The following BLM variants were observed in gnomAD, a reference collection of about 807,000 sequenced individuals.
BLM encodes BLM RecQ like helicase, also known as recQ-like DNA helicase BLM.
BLM carries 95 observed loss-of-function variants against 135.3 expected under a neutral mutation model. The observed-to-expected ratio is 0.70, with a 90% CI of 0.59 to 0.83. BLM has a LOEUF of 0.83. BLM is among the 40% of genes least tolerant of loss of function. The pLI, the probability that BLM is intolerant of heterozygous loss-of-function variation, is 0.00. For missense variants in BLM, 1,518 were observed against 1,663.9 expected (o/e 0.91, Z 1.53); for synonymous variants, 520 against 589.2 (o/e 0.88, Z 1.70).
At position 90,774,691 on chromosome 15, in the gene BLM, G is replaced by A. The variant is rs149297901; in HGVS notation, c.2555+5105G>A. ...TCTACTAAAAATACAAAAATTAGCC[G>A]GGCGTGGTGGCATGCACCTATAGTC... is the stretch of plus-strand genomic sequence containing the variant. On this transcript the variant is annotated intron_variant, in intron 12 of 21. Coordinates refer to ENST00000355112, the MANE Select transcript of BLM (RefSeq NM_000057.4). Among the ~76,000 whole-genome samples, 1,336 of 151,676 alleles carry A rather than the reference G, an allele frequency of 8.8e-3. 18 individuals are homozygous for A. The highest frequency in any genetic ancestry group is 0.028 in the African/African-American group (1,140 of 41,396).
At chr15:90,760,314 A>C in intron 6 of BLM, 35 bp downstream of exon 6, 1 of 1,611,852 alleles carries the variant, frequency 6.2e-7, no homozygotes, top group Admixed American at 1.7e-5. Context: ...AATATATCTG[A>C]TTATATTTCT....
intron 12 of BLM, among the ~76,000 whole-genome samples, chr15:90,780,129 G>A (rs1390182923): frequency 2.7e-5 from 4 of 149,448 alleles, no homozygotes; most frequent in Non-Finnish European, 5.9e-5. Flanking sequence ...TCTTCGCCCA[G>A]GCTGGAGTGC....
At position 90,790,746 on chromosome 15, in the gene BLM, AC is replaced by A. The variant is rs367543014; in HGVS notation, c.2923del (p.Gln975LysfsTer24). The A allele has an allele frequency of 5.9e-5, 96 of 1,614,030 alleles. No homozygotes were observed. The highest frequency in any genetic ancestry group is 7.5e-5 in the Non-Finnish European group (89 of 1,179,998). On this transcript the variant is annotated frameshift_variant, in exon 15 of 22. Transcript: ENST00000355112. LOFTEE classifies it high-confidence loss of function. ...ASLPKSVEGY[Y>X]QESGRAGRDG... The stretch of plus-strand genomic sequence containing the variant: ...CTCCCTAAATCTGTGGAGGGTTACT[AC>A]CAAGAATCTGGCAGAGCTGGAAGAG...
At chr15:90,753,232 C>T (rs1272212397) in intron 4 of BLM, among the ~76,000 whole-genome samples, 1 of 151,830 alleles carries the variant, frequency 6.6e-6, no homozygotes, top group Non-Finnish European at 1.5e-5. Flanking sequence ...GGCAACATAG[C>T]GAGACCCTCA....
chr15:90,719,238 G>C (rs1380733142), intron 1 of BLM, among the ~76,000 whole-genome samples: 1 of 152,134 alleles, frequency 6.6e-6, no homozygotes, highest in Non-Finnish European at 1.5e-5. Context: ...TGATCCGCCT[G>C]CCTCCGCCTC....
intron 12 of BLM, among the ~76,000 whole-genome samples, chr15:90,779,871 G>A (rs4932363): frequency 0.038 from 5,727 of 152,060 alleles, 144 homozygotes; most frequent in Non-Finnish European, 0.054. Flanking sequence ...TCCTACCAAG[G>A]ATTTCTAGTG....
chr15:90,788,121 G>T (rs1896800981), intron 14 of BLM, among the ~76,000 whole-genome samples: 2 of 152,142 alleles, frequency 1.3e-5, no homozygotes, highest in Non-Finnish European at 2.9e-5. Flanking sequence ...TTAAAATGGG[G>T]TGGGGTGGAA....
chr15:90,785,177 G>A (rs1896715657), intron 14 of BLM, 96 bp downstream of exon 14: 1 of 1,310,006 alleles, frequency 7.6e-7, no homozygotes, highest in African/African-American at 1.5e-5. Context: ...TTACCTTGAA[G>A]GTAGTAAACA....
chr15:90,728,079 C>G (rs989531302), intron 1 of BLM, among the ~76,000 whole-genome samples: 3 of 152,050 alleles, frequency 2.0e-5, no homozygotes, highest in Non-Finnish European at 4.4e-5. Context: ...GCTCTCTCAC[C>G]CAGGCTAGAG....
At chr15:90,788,012 A>G (rs1362645843) in intron 14 of BLM, among the ~76,000 whole-genome samples, 1 of 152,124 alleles carries the variant, frequency 6.6e-6, no homozygotes, top group African/African-American at 2.4e-5. Context: ...CTAAGAGCAG[A>G]ATTATATATT....
chr15:90,767,520 G>A (rs1187871324), intron 10 of BLM, among the ~76,000 whole-genome samples: 2 of 152,116 alleles, frequency 1.3e-5, no homozygotes, highest in African/African-American at 4.8e-5. Context: ...AAGGCCAGTC[G>A]TTTTCGGAAT....
intron 16 of BLM, 27 bp from the exon 17 acceptor site, chr15:90,798,163 C>A (rs1450982915): frequency 1.3e-6 from 2 of 1,570,068 alleles, no homozygotes; most frequent in Admixed American, 1.7e-5. Context: ...TTAATTATAG[C>A]AGAAAGTATT....
rs184021933 is a variant in BLM, at chr15:90,764,834, C to T, written c.2075-462C>T. 1.6e-3 allele frequency among the ~76,000 whole-genome samples: 245 copies of T among 152,208 alleles called. 1 individual carries two copies. Among genetic ancestry groups the T allele is most frequent in the African/African-American group, 5.8e-3 (240 of 41,520 alleles). On this transcript the variant is annotated intron_variant, in intron 8 of 21. Transcript: ENST00000355112. Reference sequence around the variant, plus strand: ...CAGTGGCTTGTGCCTATAATCCCAGCACTTTGGGAGGCTGAGGCAGGTGGA... The same window carrying T: ...CAGTGGCTTGTGCCTATAATCCCAGTACTTTGGGAGGCTGAGGCAGGTGGA...
intron 1 of BLM, among the ~76,000 whole-genome samples, chr15:90,737,123 A>C (rs1895238465): frequency 6.6e-6 from 1 of 152,018 alleles, no homozygotes; most frequent in Admixed American, 6.6e-5. Context: ...TACTTTAATT[A>C]TGTACCCTTA....
chr15:90,748,960 T>C (rs1300853342), intron 2 of BLM, among the ~76,000 whole-genome samples: 1 of 152,066 alleles, frequency 6.6e-6, no homozygotes, highest in Non-Finnish European at 1.5e-5. Context: ...GGTTTCACCA[T>C]GTTGGCCAGG....
chr15:90,782,447 C>T (rs1228183875), intron 12 of BLM, among the ~76,000 whole-genome samples: 1 of 152,142 alleles, frequency 6.6e-6, no homozygotes, highest in East Asian at 1.9e-4. Context: ...GCTGCTATGA[C>T]AGAATACTGT....
At chr15:90,774,425 ACATG>A (rs1896416126) in intron 12 of BLM, among the ~76,000 whole-genome samples, 1 of 151,940 alleles carries the variant, frequency 6.6e-6, no homozygotes, top group South Asian at 2.1e-4. Context: ...CAGTTTTTCC[ACATG>A]CTTATCAACA....
chr15:90,775,481 A>G (rs1896449470), intron 12 of BLM, among the ~76,000 whole-genome samples: 1 of 148,252 alleles, frequency 6.7e-6, no homozygotes, highest in Non-Finnish European at 1.5e-5. Flanking sequence ...TATTTTATAT[A>G]TATGTGTGTT....
intron 1 of BLM, among the ~76,000 whole-genome samples, chr15:90,725,481 C>A (rs1169361312): frequency 6.6e-6 from 1 of 150,962 alleles, no homozygotes; most frequent in East Asian, 1.9e-4. Flanking sequence ...TGGGCTATTT[C>A]CTCTTTTTTA....
Sources: allele counts gnomAD v4.1 joint callset (sites outside exome capture counted in the v4.1 genomes callset), GRCh38; gene constraint gnomAD v4.1.1; transcripts MANE v1.5; gene names NCBI Gene and HGNC (gene_info 2026-07-23, HGNC 2026-07-21).